LPP: variants seen among roughly 807,000 people sequenced by gnomAD.
LPP encodes lipoma-preferred partner.
A neutral mutation model predicts 60.4 loss-of-function variants in LPP; 38 were observed. That is an observed-to-expected ratio of 0.63 (90% confidence interval 0.49 to 0.83). The LOEUF (loss-of-function observed/expected upper bound fraction) is 0.83. Ranked by LOEUF, LPP falls within the 40% of genes least tolerant of loss-of-function variation. The pLI is 0.00. For synonymous variants in LPP, 328 were observed against 290.8 expected (o/e 1.13, Z -1.30); for missense variants, 902 against 783.6 (o/e 1.15, Z -1.80).
chr3:188,443,670 AG>A (rs1794579139), intron 4 of LPP, among the ~76,000 whole-genome samples: 1 of 152,188 alleles, frequency 6.6e-6, no homozygotes, highest in Non-Finnish European at 1.5e-5. Flanking sequence ...TTTCCTAATT[AG>A]CAATGCTGAA....
chr3:188,250,794 C>CTTTCTCTTTCTTTCTTTCTT lies in LPP; in HGVS notation c.-67+25268_-67+25269insTTCTCTTTCTTTCTTTCTTT, dbSNP rs1553835809. ...TCTTTCTTTCTTTCTTTCTGTCTTTCTCTTTCTTTCTTTCTCTTTCTTTCT... is the reference window on the plus strand; with the variant it reads ...TCTTTCTTTCTTTCTTTCTGTCTTTCTTTCTCTTTCTTTCTTTCTTTCTTTCTTTCTTTCTCTTTCTTTCT... On this transcript the variant is annotated intron_variant, in intron 2 of 11. Coordinates refer to ENST00000617246, the MANE Select transcript of LPP (RefSeq NM_001375462.1). Among the ~76,000 whole-genome samples the CTTTCTCTTTCTTTCTTTCTT allele has an allele frequency of 1.2e-4, 14 of 114,212 alleles. No individual in the cohort carries two copies. The South Asian group carries it at 2.6e-3, about 21-fold the overall frequency. 74.9% of individuals were successfully genotyped at this position (114,212 alleles called of 152,430 possible). A position where few individuals can be genotyped will look rare whatever the true frequency, so the allele number is the denominator to read the frequency against.
At chr3:188,250,937 CCCTTCCCTT>C (rs1729290913) in intron 2 of LPP, among the ~76,000 whole-genome samples, 1 of 23,454 alleles carries the variant, frequency 4.3e-5, no homozygotes, top group Non-Finnish European at 7.4e-5. Flanking sequence ...CCCTTCCCTT[CCCTTCCCTT>C]CCCTTCCCTT....
At chr3:188,451,421 A>G (rs1208131841) in intron 4 of LPP, among the ~76,000 whole-genome samples, 2 of 152,146 alleles carry the variant, frequency 1.3e-5, no homozygotes, top group Non-Finnish European at 2.9e-5. Flanking sequence ...AAGGAAGGCC[A>G]TTTTACTGAT....
chr3:188,561,214 G>A (rs1830597486), intron 6 of LPP, among the ~76,000 whole-genome samples: 1 of 152,002 alleles, frequency 6.6e-6, no homozygotes, highest in South Asian at 2.1e-4. Flanking sequence ...TAAGCCCGAA[G>A]GATATTTCAC....
At chr3:188,845,684 A>G (rs1209982650) in intron 9 of LPP, among the ~76,000 whole-genome samples, 1 of 152,158 alleles carries the variant, frequency 6.6e-6, no homozygotes, top group African/African-American at 2.4e-5. Flanking sequence ...TGGCGACAGT[A>G]TGCACTGGAA....
At chr3:188,259,403 G>T (rs973873525) in intron 2 of LPP, among the ~76,000 whole-genome samples, 3 of 152,120 alleles carry the variant, frequency 2.0e-5, no homozygotes, top group African/African-American at 7.2e-5. Context: ...CTATACCCTG[G>T]TGTGGGATCT....
chr3:188,422,912 T>TG (rs1788190590), intron 4 of LPP, among the ~76,000 whole-genome samples: 1 of 135,554 alleles, frequency 7.4e-6, no homozygotes, highest in African/African-American at 2.8e-5. Flanking sequence ...TGGTGTCTTC[T>TG]TTGTGTGTGT....
intron 3 of LPP, among the ~76,000 whole-genome samples, chr3:188,403,526 T>C (rs1782724889): frequency 6.6e-6 from 1 of 152,236 alleles, no homozygotes; most frequent in South Asian, 2.1e-4. Flanking sequence ...CTTGATCCCT[T>C]TTATTTCACA....
intron 7 of LPP, among the ~76,000 whole-genome samples, chr3:188,658,600 T>G (rs1301237241): frequency 1.3e-5 from 2 of 152,200 alleles, no homozygotes; most frequent in Non-Finnish European, 2.9e-5. Context: ...CAGAAATGCA[T>G]TTCTATCTTT....
intron 7 of LPP, among the ~76,000 whole-genome samples, chr3:188,656,059 G>T (rs1853135318): frequency 6.6e-6 from 1 of 152,000 alleles, no homozygotes; most frequent in Admixed American, 6.6e-5. Flanking sequence ...AGGCATGGTG[G>T]TGCATGCCTG....
chr3:188,744,088 A>G (rs1029338440), intron 8 of LPP, among the ~76,000 whole-genome samples: 4 of 152,180 alleles, frequency 2.6e-5, no homozygotes, highest in African/African-American at 9.7e-5. Context: ...CCTTATAACC[A>G]TACGCACAAA....
intron 6 of LPP, among the ~76,000 whole-genome samples, chr3:188,554,606 G>A (rs1341057248): frequency 2.0e-5 from 3 of 152,170 alleles, no homozygotes; most frequent in Admixed American, 6.6e-5. Flanking sequence ...GTCCAGCACA[G>A]CTGCCTCCCA....
In LPP at chr3:188,884,177, T is replaced by C. The variant is rs960053917; in HGVS notation, c.*9698T>C. On this transcript the variant is annotated 3_prime_UTR_variant, in exon 12 of 12. Coordinates refer to ENST00000617246, the MANE Select transcript of LPP (RefSeq NM_001375462.1). The stretch of plus-strand genomic sequence containing the variant: ...GGAGGACAGTTATTAGTACCCCTAT[T>C]CTAGAAGAGAAAGCTGAGGCTCAAG... The C allele has an allele frequency of 1.4e-4, 32 of 227,624 alleles. No homozygotes were observed. Among genetic ancestry groups the C allele is most frequent in the Non-Finnish European group, 2.5e-4 (29 of 114,634 alleles). 14.1% of individuals were successfully genotyped at this position (227,624 alleles called of 1,614,324 possible). A position where few individuals can be genotyped will look rare whatever the true frequency, so the allele number is the denominator to read the frequency against.
rs548319881 is a variant in LPP at position 188,392,302 on chromosome 3, A to T, written c.-9-13810A>T. ...AGACCCTGAGGTGGGAGAGTATTCT[A>T]AACTGTTTTGGTTTCAAACATCTTG... On this transcript the variant is annotated intron_variant, in intron 3 of 11. Transcript: ENST00000617246. Among the ~76,000 whole-genome samples the T allele has an allele frequency of 2.6e-5, 4 of 152,320 alleles. No homozygotes were observed. The South Asian group carries it at 8.3e-4, about 32-fold the overall frequency.
At chr3:188,589,736 C>A (rs1838265027) in intron 6 of LPP, among the ~76,000 whole-genome samples, 2 of 152,052 alleles carry the variant, frequency 1.3e-5, no homozygotes, top group Admixed American at 1.3e-4. Flanking sequence ...AAAAACAAAT[C>A]ATAAAACATG....
chr3:188,503,612 C>G (rs2149905254), intron 5 of LPP, among the ~76,000 whole-genome samples: 1 of 149,606 alleles, frequency 6.7e-6, no homozygotes, highest in South Asian at 2.1e-4. Context: ...CAGGAGAAAT[C>G]TAACAGTAAT....
chr3:188,668,952 A>AT (rs1856377695), intron 7 of LPP, among the ~76,000 whole-genome samples: 2 of 152,162 alleles, frequency 1.3e-5, no homozygotes, highest in South Asian at 4.1e-4. Context: ...CATTTTAATC[A>AT]TTTTTTCATT....
intron 9 of LPP, among the ~76,000 whole-genome samples, chr3:188,765,861 C>CTTTT (rs71169019): frequency 0.025 from 2,292 of 92,612 alleles, 394 homozygotes; most frequent in Middle Eastern, 0.053. Context: ...ATGTTCAACT[C>CTTTT]TTTTTTTTTT....
chr3:188,252,792 G>T (rs1193580956), intron 2 of LPP, among the ~76,000 whole-genome samples: 1 of 151,728 alleles, frequency 6.6e-6, no homozygotes, highest in Non-Finnish European at 1.5e-5. Flanking sequence ...TTTTTTTTGG[G>T]ACAGAGTCTC....
Sources: gnomAD v4.1 joint callset for allele counts (sites outside exome capture counted in the v4.1 genomes callset) on GRCh38, gnomAD v4.1.1 for gene constraint, MANE v1.5 for transcripts, NCBI Gene and HGNC (gene_info 2026-07-23, HGNC 2026-07-21) for gene names.